The following SLC44A5 variants were observed in gnomAD, a reference collection of about 807,000 sequenced individuals.
SLC44A5 encodes the protein solute carrier family 44 member 5, also known as choline transporter-like protein 5.
SLC44A5 carries 57 observed loss-of-function variants against 101.8 expected under a neutral mutation model. The ratio of observed to expected loss-of-function variants is 0.56; its 90% CI spans 0.45 to 0.70. The LOEUF (loss-of-function observed/expected upper bound fraction) is 0.70. Among genes scored for constraint, SLC44A5 ranks in the 30% least tolerant of loss-of-function variants. The pLI is 0.00. For synonymous variants in SLC44A5, 281 were observed against 290.9 expected (o/e 0.97, Z 0.35); for missense variants, 737 against 853.1 (o/e 0.86, Z 1.70).
chr1:75,607,738 A>T (rs1005693013), intron 1 of SLC44A5, among the ~76,000 whole-genome samples: 10 of 151,892 alleles, frequency 6.6e-5, no homozygotes, highest in Admixed American at 2.0e-4. Flanking sequence ...TCCCCTGTAC[A>T]TGCTATCTTG....
At chr1:75,598,104 C>T (rs928779597) in intron 1 of SLC44A5, among the ~76,000 whole-genome samples, 2 of 151,304 alleles carry the variant, frequency 1.3e-5, no homozygotes, top group South Asian at 4.2e-4. Flanking sequence ...GAAAAAAAAA[C>T]CCATAAAAAA....
intron 3 of SLC44A5, among the ~76,000 whole-genome samples, chr1:75,350,206 G>A (rs796144398): frequency 3.3e-5 from 5 of 152,072 alleles, no homozygotes; most frequent in African/African-American, 1.2e-4. Context: ...ATAAGAAGAG[G>A]AAAGGAGACC....
chr1:75,722,404 T>A, the SLC44A5 span, among the ~76,000 whole-genome samples: 1 of 152,224 alleles, frequency 6.6e-6, no homozygotes, highest in Non-Finnish European at 1.5e-5. Flanking sequence ...ACTCAGTATA[T>A]CACTGGAGGC....
At chr1:75,277,218 G>A (rs2100755898) in intron 5 of SLC44A5, among the ~76,000 whole-genome samples, 1 of 152,310 alleles carries the variant, frequency 6.6e-6, no homozygotes, top group African/African-American at 2.4e-5. Context: ...GTGGCTGGAA[G>A]TAGGGAAGGA....
the SLC44A5 span, among the ~76,000 whole-genome samples, chr1:75,616,134 T>C: frequency 1.3e-5 from 2 of 151,828 alleles, no homozygotes; most frequent in African/African-American, 4.8e-5. Context: ...ACGCGGTGGC[T>C]GCTGCGGCGG....
intron 2 of SLC44A5, among the ~76,000 whole-genome samples, chr1:75,523,027 C>G (rs1032981417): frequency 6.6e-6 from 1 of 152,164 alleles, no homozygotes; most frequent in Non-Finnish European, 1.5e-5. Flanking sequence ...TATTTAGCAC[C>G]TACTATGTGC....
intron 4 of SLC44A5, among the ~76,000 whole-genome samples, chr1:75,307,044 C>T (rs56131098): frequency 5.9e-5 from 9 of 152,166 alleles, no homozygotes; most frequent in Non-Finnish European, 1.3e-4. Context: ...GGCCGGTTTC[C>T]TTTCTTTGTG....
intron 5 of SLC44A5, among the ~76,000 whole-genome samples, chr1:75,287,795 T>C (rs1261664473): frequency 1.3e-5 from 2 of 152,184 alleles, no homozygotes; most frequent in Non-Finnish European, 2.9e-5. Context: ...TTCTGTGATG[T>C]GATCCATCTT....
chr1:75,568,170 T>C (rs188425500), intron 1 of SLC44A5, among the ~76,000 whole-genome samples: 5 of 152,292 alleles, frequency 3.3e-5, no homozygotes, highest in African/African-American at 1.2e-4. Flanking sequence ...AGTAAATTAG[T>C]TTAAATAGAA....
At chr1:75,630,087 G>A in the SLC44A5 span, among the ~76,000 whole-genome samples, 2 of 152,148 alleles carry the variant, frequency 1.3e-5, no homozygotes. Flanking sequence ...TGATATCTGT[G>A]GGGAGGAGGG....
the SLC44A5 span, among the ~76,000 whole-genome samples, chr1:75,649,547 T>A: frequency 7.9e-5 from 12 of 152,088 alleles, no homozygotes; most frequent in African/African-American, 2.9e-4. Context: ...TCTAATCTCT[T>A]TGTCAACTGT....
At chr1:75,688,197 G>A in the SLC44A5 span, among the ~76,000 whole-genome samples, 1 of 152,210 alleles carries the variant, frequency 6.6e-6, no homozygotes, top group African/African-American at 2.4e-5. Context: ...CTCATACTAT[G>A]CAGTGCTTGG....
chr1:75,476,967 C>T (rs915885944), intron 2 of SLC44A5, among the ~76,000 whole-genome samples: 9 of 152,224 alleles, frequency 5.9e-5, no homozygotes, highest in African/African-American at 2.2e-4. Flanking sequence ...GGTCCCTGAC[C>T]CCTGACCCCT....
At chr1:75,641,893 T>G in the SLC44A5 span, 1 of 1,586,102 alleles carries the variant, frequency 6.3e-7, no homozygotes, top group Non-Finnish European at 8.6e-7. Context: ...AGGAGACCCA[T>G]TCAAGAATTT....
At chr1:75,711,312 C>A in the SLC44A5 span, among the ~76,000 whole-genome samples, 3 of 152,184 alleles carry the variant, frequency 2.0e-5, no homozygotes, top group African/African-American at 7.2e-5. Flanking sequence ...GATATAAAGA[C>A]AACAGCCAGT....
chr1:75,572,575 G>A (rs1673128589), intron 1 of SLC44A5, among the ~76,000 whole-genome samples: 1 of 152,076 alleles, frequency 6.6e-6, no homozygotes, highest in Non-Finnish European at 1.5e-5. Flanking sequence ...TTGTTTATTG[G>A]CTTAGAACAC....
chr1:75,675,467 C>A, the SLC44A5 span, among the ~76,000 whole-genome samples: 2 of 152,154 alleles, frequency 1.3e-5, no homozygotes, highest in African/African-American at 2.4e-5. Flanking sequence ...GATTTTGTAT[C>A]CTGAGACTTT....
At chr1:75,641,590 C>T in the SLC44A5 span, 1 of 1,513,274 alleles carries the variant, frequency 6.6e-7, no homozygotes. Flanking sequence ...CCCCTTCAAT[C>T]AGATTACATT....
intron 2 of SLC44A5, among the ~76,000 whole-genome samples, chr1:75,456,518 A>T (rs556817292): frequency 6.6e-6 from 1 of 152,332 alleles, no homozygotes; most frequent in Non-Finnish European, 1.5e-5. Context: ...TGAAAAAATA[A>T]GCTATTTTGG....
Sources: gnomAD v4.1 joint callset for allele counts (sites outside exome capture counted in the v4.1 genomes callset) on GRCh38, gnomAD v4.1.1 for gene constraint, MANE v1.5 for transcripts, NCBI Gene and HGNC (gene_info 2026-07-23, HGNC 2026-07-21) for gene names.